Variants in MICAL2 observed in about 807,000 individuals in gnomAD.
The protein encoded by MICAL2 is [F-actin]-monooxygenase MICAL2.
Under a neutral mutation model 127.3 loss-of-function variants are expected in MICAL2, and 77 were observed. The observed-to-expected ratio is 0.60, with a 90% CI of 0.50 to 0.73. The LOEUF (loss-of-function observed/expected upper bound fraction) is 0.73. Ranked by LOEUF, MICAL2 falls within the 30% of genes least tolerant of loss-of-function variation. The pLI, the probability that MICAL2 is intolerant of heterozygous loss-of-function variation, is 0.00. For missense variants in MICAL2, 1,351 were observed against 1,434.4 expected, an observed-to-expected ratio of 0.94 and a Z score of 0.94; for synonymous variants, 570 against 551.1, an observed-to-expected ratio of 1.03 and a Z score of -0.48.
chr11:12,249,058 C>T (rs1861164698), intron 21 of MICAL2, 126 bp from the exon 22 acceptor site: 1 of 1,178,970 alleles, frequency 8.5e-7, no homozygotes, highest in Non-Finnish European at 1.2e-6. Flanking sequence ...AACTGGAATA[C>T]TGCAATGTCC....
rs188815170 is a variant in MICAL2, at chr11:12,252,995, C to T, written c.2848-2648C>T. 9 of 152,232 alleles carry T rather than the reference C, an allele frequency of 5.9e-5. No homozygotes were observed. In the East Asian group the frequency reaches 1.7e-3, roughly 29 times the overall value. 9.4% of individuals were successfully genotyped at this position (152,232 alleles called of 1,614,324 possible). ...CACTCTACGATCCTGGGATCAGGAGCAGTGTTTCTAGAATCTCATGCTATG... is the reference window on the plus strand; with the variant it reads ...CACTCTACGATCCTGGGATCAGGAGTAGTGTTTCTAGAATCTCATGCTATG... On this transcript the variant is annotated intron_variant, in intron 22 of 27. Coordinates refer to ENST00000683283, the MANE Select transcript of MICAL2 (RefSeq NM_001282663.2).
intron 2 of MICAL2, among the ~76,000 whole-genome samples, chr11:12,152,036 C>T (rs1405025164): frequency 6.6e-6 from 1 of 151,774 alleles, no homozygotes; most frequent in East Asian, 1.9e-4. Flanking sequence ...GCCTGTAATT[C>T]CAGCACTTTG....
intron 3 of MICAL2, among the ~76,000 whole-genome samples, chr11:12,170,594 C>A (rs746513987): frequency 6.6e-6 from 1 of 152,188 alleles, no homozygotes; most frequent in Non-Finnish European, 1.5e-5. Flanking sequence ...GGCCCTGGCC[C>A]ATGGAGGATC....
At chr11:12,316,409 G>GTT (rs544806787) in intron 29 of MICAL2, among the ~76,000 whole-genome samples, 1 of 142,008 alleles carries the variant, frequency 7.0e-6, no homozygotes, top group Non-Finnish European at 1.5e-5. Context: ...TTCCTAGGTG[G>GTT]TTTTTTTTTT....
chr11:12,190,314 A>G (rs904563580), intron 3 of MICAL2, among the ~76,000 whole-genome samples: 2 of 152,092 alleles, frequency 1.3e-5, no homozygotes, highest in Non-Finnish European at 2.9e-5. Flanking sequence ...GGACTCTCCT[A>G]CGTAACCATC....
chr11:12,173,501 CT>C (rs1290017247), intron 3 of MICAL2, among the ~76,000 whole-genome samples: 1 of 152,228 alleles, frequency 6.6e-6, no homozygotes, highest in African/African-American at 2.4e-5. Flanking sequence ...CTCTTTGCCC[CT>C]GGCATTCCCA....
At chr11:12,326,772 C>CT (rs1477769404) in intron 31 of MICAL2, among the ~76,000 whole-genome samples, 2 of 152,158 alleles carry the variant, frequency 1.3e-5, no homozygotes, top group Non-Finnish European at 2.9e-5. Flanking sequence ...TATGCAAGTA[C>CT]TTTGTTTGCC....
At chr11:12,323,410 G>T (rs778078074) in intron 30 of MICAL2, among the ~76,000 whole-genome samples, 1 of 152,006 alleles carries the variant, frequency 6.6e-6, no homozygotes, top group African/African-American at 2.4e-5. Context: ...ACTATTTAAA[G>T]TTGTTAACTG....
chr11:12,117,547 C>T (rs1850139718), intron 1 of MICAL2, among the ~76,000 whole-genome samples: 1 of 152,168 alleles, frequency 6.6e-6, no homozygotes, highest in South Asian at 2.1e-4. Context: ...TGTGTTGGAG[C>T]CAGGATAATG....
chr11:12,273,589 T>C (rs1440272599), upstream of MICAL2, among the ~76,000 whole-genome samples: 1 of 151,714 alleles, frequency 6.6e-6, no homozygotes, highest in Non-Finnish European at 1.5e-5. Flanking sequence ...AGATGAGGTA[T>C]TTCACATAAA....
chr11:12,205,774 A>T (rs1034481882), intron 4 of MICAL2, among the ~76,000 whole-genome samples: 1 of 152,246 alleles, frequency 6.6e-6, no homozygotes, highest in African/African-American at 2.4e-5. Context: ...TGCCTAGCAC[A>T]TAGTAAGTGC....
intron 1 of MICAL2, among the ~76,000 whole-genome samples, chr11:12,277,651 AAG>A (rs943543906): frequency 9.2e-5 from 14 of 152,318 alleles, no homozygotes; most frequent in African/African-American, 3.4e-4. Context: ...GGAAAAGAAT[AAG>A]AGATTACACC....
chr11:12,314,645 A>ATTTTTTTTTTT (rs545442574), intron 29 of MICAL2, among the ~76,000 whole-genome samples: 2 of 123,052 alleles, frequency 1.6e-5, no homozygotes, highest in Non-Finnish European at 1.6e-5. Context: ...TGCCCAGCTA[A>ATTTTTTTTTTT]TTTTTTTTTT....
chr11:12,244,169 A>T, intron 21 of MICAL2, 57 bp downstream of exon 21: 1 of 1,603,224 alleles, frequency 6.2e-7, no homozygotes, highest in Non-Finnish European at 8.5e-7. Flanking sequence ...AGATGTTCTC[A>T]TGCTCCACTT....
intron 3 of MICAL2, among the ~76,000 whole-genome samples, chr11:12,203,760 T>G (rs185255143): frequency 1.3e-5 from 2 of 152,256 alleles, no homozygotes; most frequent in Non-Finnish European, 2.9e-5. Context: ...AGTTTTAATT[T>G]TGAAGTCTCA....
intron 1 of MICAL2, among the ~76,000 whole-genome samples, chr11:12,113,186 G>T (rs1050757179): frequency 3.3e-5 from 5 of 152,172 alleles, no homozygotes; most frequent in South Asian, 2.1e-4. Context: ...TCATTCTATT[G>T]TTTCATTCTG....
intron 10 of MICAL2, among the ~76,000 whole-genome samples, chr11:12,222,197 A>G (rs1856893034): frequency 6.6e-6 from 1 of 152,180 alleles, no homozygotes; most frequent in East Asian, 1.9e-4. Context: ...GCTGCTGGCC[A>G]CGTGGCTGTG....
At chr11:12,222,441 CCTT>C (rs1243234289) in intron 10 of MICAL2, among the ~76,000 whole-genome samples, 173 bp from the exon 11 acceptor site, 2 of 152,196 alleles carry the variant, frequency 1.3e-5, no homozygotes, top group African/African-American at 4.8e-5. Flanking sequence ...GCCCCTTTGA[CCTT>C]CTCCCCACTT....
At chr11:12,134,240 C>T (rs1419251507) in intron 1 of MICAL2, among the ~76,000 whole-genome samples, 1 of 152,268 alleles carries the variant, frequency 6.6e-6, no homozygotes, top group Non-Finnish European at 1.5e-5. Context: ...TTCCCTTATC[C>T]ATGCTCCCCA....
Sources: allele counts gnomAD v4.1 joint callset (sites outside exome capture counted in the v4.1 genomes callset), GRCh38; gene constraint gnomAD v4.1.1; transcripts MANE v1.5; gene names NCBI Gene and HGNC (gene_info 2026-07-23, HGNC 2026-07-21).